DOCK8: variants seen among roughly 807,000 people sequenced by gnomAD.
The protein encoded by DOCK8 is dedicator of cytokinesis protein 8.
A neutral mutation model predicts 245.6 loss-of-function variants in DOCK8; 141 were observed. The observed-to-expected ratio is 0.57, with a 90% confidence interval of 0.50 to 0.66. The LOEUF is 0.66. Ranked by LOEUF, DOCK8 falls within the 30% of genes least tolerant of loss-of-function variation. The probability of loss-of-function intolerance (pLI) is 0.00; values close to 1 mark genes in which losing one functional copy is unlikely to be tolerated. For synonymous variants in DOCK8, 1,168 were observed against 970.2 expected (o/e 1.20, Z -3.79); for missense variants, 2,965 against 2,603.4 (o/e 1.14, Z -3.02).
At position 434,858 on chromosome 9, in the gene DOCK8, G is replaced by C; in HGVS notation, c.4962G>C (p.Lys1654Asn). 6.2e-7 allele frequency: 1 copy of C among 1,614,140 alleles called. No homozygotes were observed. The highest frequency in any genetic ancestry group is 2.2e-5 in the East Asian group (1 of 44,874). ...WLQNMAEKHT[K>N]KKCYTEAAMC... ...AGAACATGGCAGAGAAACACACCAA[G>C]AAGAAGTGCTACACGGAGGCTGCCA... Residue 1654 changes from lysine to asparagine, a missense_variant, in exon 39 of 48, where the codon AAG becomes AAC. By Grantham distance (94) the Lys-to-Asn change is moderately conservative. Around this residue, in one of 3 missense-constraint regions of DOCK8, gnomAD observed 2,825 missense variants for 2,453.5 expected, o/e 1.15. Transcript: ENST00000432829.
At chr9:240,450 C>A (rs2047351549) in intron 1 of DOCK8, among the ~76,000 whole-genome samples, 1 of 151,676 alleles carries the variant, frequency 6.6e-6, no homozygotes, top group Admixed American at 6.6e-5. Context: ...TATGCACTAC[C>A]AATATTTCCA....
intron 1 of DOCK8, among the ~76,000 whole-genome samples, chr9:221,116 A>G (rs2046873123): frequency 6.6e-6 from 1 of 152,318 alleles, no homozygotes; most frequent in South Asian, 2.1e-4. Flanking sequence ...CTCTGAAAGT[A>G]TATATGAACA....
At chr9:226,242 A>C (rs2046987135) in intron 1 of DOCK8, among the ~76,000 whole-genome samples, 1 of 152,166 alleles carries the variant, frequency 6.6e-6, no homozygotes, top group South Asian at 2.1e-4. Context: ...TGCCCTTTAT[A>C]AAACCATCAG....
At chr9:305,531 C>T (rs1969951) in intron 5 of DOCK8, among the ~76,000 whole-genome samples, 134,555 of 152,150 alleles carry the variant, frequency 0.88, 59,704 homozygotes, top group Non-Finnish European at 0.92. Flanking sequence ...GTGATCCGCC[C>T]GCCTCGGCCT....
chr9:280,493 G>A (rs189278720), intron 2 of DOCK8, among the ~76,000 whole-genome samples: 11 of 152,296 alleles, frequency 7.2e-5, no homozygotes, highest in Admixed American at 3.3e-4. Flanking sequence ...TTAAAAGTCC[G>A]CAGGGCAGAT....
chr9:347,559 A>T (rs1410216), intron 14 of DOCK8, among the ~76,000 whole-genome samples: 2 of 151,898 alleles, frequency 1.3e-5, no homozygotes, highest in African/African-American at 4.8e-5. Context: ...GAAGCCCAGT[A>T]CTTGGTTTTA....
At chr9:407,665 C>T (rs1306299901) in intron 28 of DOCK8, among the ~76,000 whole-genome samples, 3 of 152,120 alleles carry the variant, frequency 2.0e-5, no homozygotes, top group Non-Finnish European at 4.4e-5. Flanking sequence ...TCCTTCTCTC[C>T]CTATGCTCCG....
intron 26 of DOCK8, among the ~76,000 whole-genome samples, chr9:400,668 GCATCTTCACCATCACCAC>G (rs2054916485): frequency 3.2e-4 from 2 of 6,174 alleles, no homozygotes; most frequent in Admixed American, 1.6e-3. Flanking sequence ...ACCACCACCA[GCATCTTCACCATCACCAC>G]CACCTCCACC....
chr9:218,421 G>C (rs74694017), intron 1 of DOCK8, among the ~76,000 whole-genome samples: 4,718 of 152,240 alleles, frequency 0.031, 212 homozygotes, highest in African/African-American at 0.11. Flanking sequence ...TTTCTTGTAA[G>C]TGCTATATAC....
At chr9:278,221 A>ATGGTGGCATGTCAGCATCTCCCTCT (rs1254303883) in intron 2 of DOCK8, among the ~76,000 whole-genome samples, 2 of 152,374 alleles carry the variant, frequency 1.3e-5, no homozygotes, top group Non-Finnish European at 2.9e-5. Context: ...AGTGATGCCC[A>ATGGTGGCATGTCAGCATCTCCCTCT]TGGTGGCATG....
At chr9:337,798 A>T (rs2051386123) in intron 12 of DOCK8, among the ~76,000 whole-genome samples, 1 of 152,214 alleles carries the variant, frequency 6.6e-6, no homozygotes, top group Non-Finnish European at 1.5e-5. Flanking sequence ...AGACAAAAGC[A>T]TTCTGGAGGT....
intron 16 of DOCK8, among the ~76,000 whole-genome samples, chr9:370,762 C>T (rs370986891): frequency 6.6e-6 from 1 of 152,082 alleles, no homozygotes; most frequent in Non-Finnish European, 1.5e-5. Context: ...TGGGATAATG[C>T]CCACCCTATT....
chr9:414,131 CA>C (rs199980516), intron 28 of DOCK8, among the ~76,000 whole-genome samples: 123 of 136,212 alleles, frequency 9.0e-4, no homozygotes, highest in Non-Finnish European at 9.3e-4. Flanking sequence ...AACTCCATGT[CA>C]AAAAAAAAAA....
At chr9:451,459 C>A (rs1587099606) in intron 45 of DOCK8, among the ~76,000 whole-genome samples, 1 of 151,732 alleles carries the variant, frequency 6.6e-6, no homozygotes, top group South Asian at 2.1e-4. Flanking sequence ...CCCATCACTA[C>A]AAAAAAATAC....
chr9:279,241 T>G (rs926420479), intron 2 of DOCK8, among the ~76,000 whole-genome samples: 2 of 152,182 alleles, frequency 1.3e-5, no homozygotes, highest in Non-Finnish European at 2.9e-5. Flanking sequence ...CCAGGAAAGT[T>G]GAGTTAGTTT....
intron 14 of DOCK8, among the ~76,000 whole-genome samples, chr9:365,411 A>AGT (rs2052936801): frequency 6.6e-6 from 1 of 152,190 alleles, no homozygotes; most frequent in African/African-American, 2.4e-5. Context: ...GTATGTTTTC[A>AGT]GTGTTCACAT....
At chr9:308,431 C>T (rs1420342761) in intron 5 of DOCK8, among the ~76,000 whole-genome samples, 3 of 152,142 alleles carry the variant, frequency 2.0e-5, no homozygotes, top group South Asian at 4.1e-4. Context: ...TCTCAGACTG[C>T]GAGATGACAG....
At chr9:280,288 A>G (rs1047426342) in intron 2 of DOCK8, among the ~76,000 whole-genome samples, 5 of 152,320 alleles carry the variant, frequency 3.3e-5, no homozygotes, top group African/African-American at 1.2e-4. Flanking sequence ...TCACTAGAGA[A>G]GTATTGAAAA....
chr9:333,485 C>T (rs777913714), intron 10 of DOCK8, among the ~76,000 whole-genome samples: 1 of 152,016 alleles, frequency 6.6e-6, no homozygotes, highest in Non-Finnish European at 1.5e-5. Flanking sequence ...CCTGTATTCC[C>T]AGCTTCTCAG....
Sources: allele counts gnomAD v4.1 joint callset (sites outside exome capture counted in the v4.1 genomes callset), GRCh38; gene constraint gnomAD v4.1.1; regional missense constraint gnomAD v4.1.1; transcripts MANE v1.5; gene names NCBI Gene and HGNC (gene_info 2026-07-23, HGNC 2026-07-21).